The following DSCAML1 variants were observed in gnomAD, a reference collection of about 807,000 sequenced individuals.
DSCAML1 encodes the protein cell adhesion molecule DSCAML1.
DSCAML1 carries 38 observed loss-of-function variants against 200.5 expected under a neutral mutation model. That is an observed-to-expected ratio of 0.19 (90% confidence interval 0.15 to 0.25). The LOEUF (loss-of-function observed/expected upper bound fraction) is 0.25, where lower values mean the gene tolerates loss of function less well. DSCAML1 is among the 10% of genes least tolerant of loss of function. The pLI, the probability that DSCAML1 is intolerant of heterozygous loss-of-function variation, is 1.00. For missense variants in DSCAML1, 2,223 were observed against 2,858.8 expected (o/e 0.78, Z 5.07); for synonymous variants, 1,215 against 1,165.0 (o/e 1.04, Z -0.87).
intron 16 of DSCAML1, among the ~76,000 whole-genome samples, chr11:117,465,401 C>A (rs1211396940): frequency 6.6e-6 from 1 of 152,208 alleles, no homozygotes; most frequent in Non-Finnish European, 1.5e-5. Context: ...TCGCTTCCTG[C>A]GCCCCAGCAC....
rs1431161008 is a variant in DSCAML1 at position 117,503,561 on chromosome 11, A to C, written c.2359+284T>G. Among the ~76,000 whole-genome samples, 1 of 152,242 alleles carries C rather than the reference A, an allele frequency of 6.6e-6. No individual in the cohort carries two copies. The highest frequency in any genetic ancestry group is 2.4e-5 in the African/African-American group (1 of 41,462). Reference sequence around the variant, plus strand: ...AGATCGAATCGCCAATCTACAGACCAAAGTAAACAGGATGCTACGTGATAT... The same window carrying C: ...AGATCGAATCGCCAATCTACAGACCCAAGTAAACAGGATGCTACGTGATAT... On this transcript the variant is annotated intron_variant, in intron 11 of 32. Coordinates refer to ENST00000651296, the MANE Select transcript of DSCAML1 (RefSeq NM_020693.4). The surrounding 1 kb of genome is among the most constrained non-coding windows in gnomAD (Gnocchi z 5.2).
At chr11:117,428,975 G>A (rs971375460) in intron 32 of DSCAML1, among the ~76,000 whole-genome samples, 172 bp from the exon 33 acceptor site, 4 of 152,212 alleles carry the variant, frequency 2.6e-5, no homozygotes, top group African/African-American at 9.7e-5. Context: ...GCCCTTCTGA[G>A]CCTTCGTTTC....
At chr11:117,494,886 C>T (rs1022633400) in intron 11 of DSCAML1, among the ~76,000 whole-genome samples, 1 of 152,164 alleles carries the variant, frequency 6.6e-6, no homozygotes, top group African/African-American at 2.4e-5. Context: ...TGCTGGCAAC[C>T]ACCAGAAGAG....
intron 3 of DSCAML1, among the ~76,000 whole-genome samples, chr11:117,564,726 CCTTCTTTCCTTCTCTTT>C (rs1362572264): frequency 2.0e-5 from 3 of 148,266 alleles, no homozygotes; most frequent in Non-Finnish European, 4.5e-5. Context: ...TCCTTTCCTT[CCTTCTTTCCTTCTCTTT>C]CTTCTCTCTC....
At chr11:117,587,824 A>G (rs600620) in intron 3 of DSCAML1, among the ~76,000 whole-genome samples, 33,858 of 152,136 alleles carry the variant, frequency 0.22, 4,198 homozygotes, top group South Asian at 0.47. Context: ...CATCAGCTGC[A>G]GAGTGAGCTC....
chr11:117,429,882 C>CT (rs887147261), intron 32 of DSCAML1, among the ~76,000 whole-genome samples: 1 of 152,224 alleles, frequency 6.6e-6, no homozygotes, highest in Non-Finnish European at 1.5e-5. Flanking sequence ...AGTGAGGAAA[C>CT]TGAGGTTCAG....
intron 6 of DSCAML1, 87 bp downstream of exon 6, chr11:117,521,043 C>T (rs1442693706): frequency 6.5e-7 from 1 of 1,541,740 alleles, no homozygotes; most frequent in Non-Finnish European, 8.8e-7. Flanking sequence ...TTTAATGCCT[C>T]CTGGCATTGC....
At chr11:117,727,235 C>T (rs1214547675) in intron 3 of DSCAML1, among the ~76,000 whole-genome samples, 1 of 152,160 alleles carries the variant, frequency 6.6e-6, no homozygotes, top group African/African-American at 2.4e-5. Flanking sequence ...AAAGTTCTGC[C>T]TCTCTTCCAA....
chr11:117,460,812 T>G (rs1352298453), intron 18 of DSCAML1, among the ~76,000 whole-genome samples: 2 of 152,174 alleles, frequency 1.3e-5, no homozygotes, highest in Non-Finnish European at 2.9e-5. Context: ...GCGGCTTGTC[T>G]GCACAGAAAA....
intron 3 of DSCAML1, among the ~76,000 whole-genome samples, chr11:117,568,761 G>A (rs2137431895): frequency 6.6e-6 from 1 of 152,288 alleles, no homozygotes; most frequent in Middle Eastern, 3.4e-3. Flanking sequence ...CTCACGGGTA[G>A]GAAGAATCAA....
chr11:117,594,994 T>C (rs868065644), intron 3 of DSCAML1, among the ~76,000 whole-genome samples: 37 of 151,990 alleles, frequency 2.4e-4, no homozygotes, highest in African/African-American at 7.5e-4. Flanking sequence ...TGTTCTGTTT[T>C]GCATTTCTAT....
intron 3 of DSCAML1, among the ~76,000 whole-genome samples, chr11:117,715,309 T>C (rs2053931833): frequency 6.6e-6 from 1 of 151,832 alleles, no homozygotes; most frequent in Non-Finnish European, 1.5e-5. Flanking sequence ...CTCCTTCAGC[T>C]CTCCTTGCCT....
At chr11:117,598,195 G>A (rs1369144625) in intron 3 of DSCAML1, among the ~76,000 whole-genome samples, 1 of 152,202 alleles carries the variant, frequency 6.6e-6, no homozygotes, top group African/African-American at 2.4e-5. Flanking sequence ...TGGAATGCCA[G>A]TGTAACAGAT....
intron 8 of DSCAML1, among the ~76,000 whole-genome samples, chr11:117,512,799 A>ACACCCACACC (rs1555179362): frequency 5.8e-5 from 8 of 137,508 alleles, no homozygotes; most frequent in Non-Finnish European, 1.1e-4. Context: ...ACACACACAC[A>ACACCCACACC]CACCCCTCCC....
chr11:117,574,917 G>A (rs989739620), intron 3 of DSCAML1, among the ~76,000 whole-genome samples: 1 of 152,196 alleles, frequency 6.6e-6, no homozygotes, highest in African/African-American at 2.4e-5. Context: ...CCTGCCGGGT[G>A]TGGTGGCTCA....
chr11:117,450,086 C>T (rs556903808), intron 20 of DSCAML1, among the ~76,000 whole-genome samples: 6 of 152,356 alleles, frequency 3.9e-5, no homozygotes, highest in South Asian at 2.1e-4. Flanking sequence ...TCTCGGCTTT[C>T]CCCCGTCTTT....
chr11:117,702,972 G>T (rs539687341), intron 3 of DSCAML1, among the ~76,000 whole-genome samples: 1 of 152,256 alleles, frequency 6.6e-6, no homozygotes, highest in South Asian at 2.1e-4. Context: ...TATCTACTTG[G>T]TAAGTTTGAA....
At chr11:117,490,205 A>C (rs2049157803) in intron 11 of DSCAML1, among the ~76,000 whole-genome samples, 1 of 152,206 alleles carries the variant, frequency 6.6e-6, no homozygotes, top group Admixed American at 6.5e-5. Flanking sequence ...GGAGGAAATC[A>C]ATTTCAGAAA....
At chr11:117,738,947 A>G (rs1021908613) in intron 3 of DSCAML1, among the ~76,000 whole-genome samples, 1 of 152,252 alleles carries the variant, frequency 6.6e-6, no homozygotes, top group African/African-American at 2.4e-5. Context: ...AGACTAGAAC[A>G]GTCCACCAGA....
Sources: gnomAD v4.1 joint callset for allele counts (sites outside exome capture counted in the v4.1 genomes callset) on GRCh38, gnomAD v4.1.1 for gene constraint, Gnocchi (gnomAD v3.1) non-coding constraint, MANE v1.5 for transcripts, NCBI Gene and HGNC (gene_info 2026-07-23, HGNC 2026-07-21) for gene names.